The following POLR1A variants were observed in gnomAD, a reference collection of about 807,000 sequenced individuals.
POLR1A encodes DNA-directed RNA polymerase I subunit RPA1.
A neutral mutation model predicts 205.3 loss-of-function variants in POLR1A; 84 were observed. The ratio of observed to expected loss-of-function variants is 0.41; its 90% CI spans 0.34 to 0.49. The LOEUF is 0.49. Among genes scored for constraint, POLR1A ranks in the 20% least tolerant of loss-of-function variants. The pLI is 0.22. For synonymous variants in POLR1A, 799 were observed against 863.7 expected, an observed-to-expected ratio of 0.93 and a Z score of 1.31; for missense variants, 1,645 against 2,204.5, an observed-to-expected ratio of 0.75 and a Z score of 5.08.
At chr2:86,065,579 T>C (rs1213217368) in intron 13 of POLR1A, 114 bp from the exon 14 acceptor site, 7 of 817,274 alleles carry the variant, frequency 8.6e-6, no homozygotes, top group Non-Finnish European at 1.4e-5. Context: ...CTTATATCCC[T>C]GTCTTGTCTT....
rs1690202637 is a variant in POLR1A at position 86,023,750 on chromosome 2, TTTTG to T, written c.*3669_*3672del. ...ATTCAAAGGAAAGCAGGGTCTGAGT[TTTTG>T]TTTTTTTTTTTTTTTGAGACGGAAT... On this transcript the variant is annotated 3_prime_UTR_variant, in exon 34 of 34. Coordinates refer to ENST00000263857, the MANE Select transcript of POLR1A (RefSeq NM_015425.6). 1.0e-5 allele frequency: 1 copy of T among 99,946 alleles called. No homozygotes were observed. Among genetic ancestry groups the T allele is most frequent in the Non-Finnish European group, 2.0e-5 (1 of 51,154 alleles). The allele number at this position is 99,946 out of a possible 1,614,324, so 6.2% of individuals were successfully genotyped here.
At chr2:86,082,161 ATAGCCCCTGTG>A (rs1456774898) in intron 7 of POLR1A, among the ~76,000 whole-genome samples, 11 of 152,256 alleles carry the variant, frequency 7.2e-5, no homozygotes, top group African/African-American at 2.6e-4. Flanking sequence ...AAAACAAAAA[ATAGCCCCTGTG>A]TACATGACAG....
chr2:86,033,804 G>T lies in POLR1A; in HGVS notation c.4035-17C>A, dbSNP rs778626769. ...TTAAAGAATCTAAAACAAGAAGAAA[G>T]CCAAAAAGCCCTGTGCAGTACCAGC... On this transcript the variant is annotated splice_polypyrimidine_tract_variant and intron_variant, in intron 27 of 33. Coordinates refer to ENST00000263857, the MANE Select transcript of POLR1A (RefSeq NM_015425.6). The T allele has an allele frequency of 6.2e-7, 1 of 1,613,318 alleles. No individual in the cohort carries two copies. The highest frequency in any genetic ancestry group is 8.5e-7 in the Non-Finnish European group (1 of 1,179,856).
At chr2:86,096,331 G>C (rs1174459241) in intron 3 of POLR1A, among the ~76,000 whole-genome samples, 1 of 151,740 alleles carries the variant, frequency 6.6e-6, no homozygotes, top group African/African-American at 2.4e-5. Flanking sequence ...AATTAATATT[G>C]TTAAAATTAC....
rs188599865 is a variant in POLR1A at position 86,055,540 on chromosome 2, C to T, written c.2059-1251G>A. Among the ~76,000 whole-genome samples, 233 of 152,302 alleles carry T rather than the reference C, an allele frequency of 1.5e-3. 2 individuals are homozygous for T. Among genetic ancestry groups the T allele is most frequent in the African/African-American group, 5.4e-3 (225 of 41,568 alleles). ...GAGCAAAGGCAGGAGAGTGACACGT[C>T]CTGGGGTGCCTACTTCAAGCTGCAC... On this transcript the variant is annotated intron_variant, in intron 14 of 33. Transcript: ENST00000263857.
intron 13 of POLR1A, among the ~76,000 whole-genome samples, chr2:86,068,707 C>T (rs999393231): frequency 5.3e-5 from 8 of 152,230 alleles, no homozygotes; most frequent in African/African-American, 1.7e-4. Context: ...TACATTTAGT[C>T]CCTTTGCTAA....
chr2:86,101,516 A>G (rs548123116), intron 1 of POLR1A, among the ~76,000 whole-genome samples: 1 of 152,306 alleles, frequency 6.6e-6, no homozygotes, highest in African/African-American at 2.4e-5. Context: ...TTCATGAGAA[A>G]CTTGATCTAA....
chr2:86,101,299 A>G (rs1172902157), intron 1 of POLR1A, among the ~76,000 whole-genome samples: 2 of 152,216 alleles, frequency 1.3e-5, no homozygotes, highest in Non-Finnish European at 2.9e-5. Context: ...ACTCCCTTTA[A>G]TAAAGCACAA....
chr2:86,032,873 T>A (rs534164806), intron 28 of POLR1A, among the ~76,000 whole-genome samples: 1 of 152,296 alleles, frequency 6.6e-6, no homozygotes, highest in Non-Finnish European at 1.5e-5. Context: ...CTAAAGATAG[T>A]CCACACCCGC....
chr2:86,105,230 A>T (rs966244402), intron 1 of POLR1A, among the ~76,000 whole-genome samples: 1 of 152,246 alleles, frequency 6.6e-6, no homozygotes, highest in Non-Finnish European at 1.5e-5. Flanking sequence ...CTTGATCAAA[A>T]TGAAGACTAA....
rs1672261233 is a variant in POLR1A at position 86,026,727 on chromosome 2, C to CGACT, written c.*692_*695dup. The CGACT allele has an allele frequency of 6.5e-6, 1 of 152,690 alleles. No individual in the cohort carries two copies. Among genetic ancestry groups the CGACT allele is most frequent in the Admixed American group, 6.5e-5 (1 of 15,344 alleles). The allele number at this position is 152,690 out of a possible 1,614,324, so 9.5% of individuals were successfully genotyped here. Reference sequence around the variant, plus strand: ...GGAGTGAACTGCTGCGGCCCTGGAGCGACTGCTCCCAGCCTTGGGGCTGAT... The same window carrying CGACT: ...GGAGTGAACTGCTGCGGCCCTGGAGCGACTGACTGCTCCCAGCCTTGGGGCTGAT... On this transcript the variant is annotated 3_prime_UTR_variant, in exon 34 of 34. Transcript: ENST00000263857.
chr2:86,071,981 G>T (rs1017953020), intron 12 of POLR1A, among the ~76,000 whole-genome samples: 3 of 152,128 alleles, frequency 2.0e-5, no homozygotes, highest in Non-Finnish European at 4.4e-5. Flanking sequence ...CAAATTATTG[G>T]AAGTCTAGTT....
chr2:86,090,069 T>C, intron 3 of POLR1A, 140 bp from the exon 4 acceptor site: 1 of 598,074 alleles, frequency 1.7e-6, no homozygotes, highest in Non-Finnish European at 3.0e-6. Context: ...TGTTGCACTT[T>C]CAAAAGAGTG....
rs529925693 is a variant in POLR1A, at chr2:86,100,395, T to C, written c.78-223A>G. Reference sequence around the variant, plus strand: ...CTAAATGAATAAGTCATAAAATACATATGTGCTAAATGAATGAGTGGTAAC... The same window carrying C: ...CTAAATGAATAAGTCATAAAATACACATGTGCTAAATGAATGAGTGGTAAC... On this transcript the variant is annotated intron_variant, in intron 1 of 33. Transcript: ENST00000263857. 2.0e-5 allele frequency among the ~76,000 whole-genome samples: 3 copies of C among 152,290 alleles called. No individual in the cohort carries two copies. The East Asian group carries it at 5.8e-4, about 29-fold the overall frequency.
At chr2:86,060,666 C>A (rs1672976972) in intron 14 of POLR1A, among the ~76,000 whole-genome samples, 1 of 152,172 alleles carries the variant, frequency 6.6e-6, no homozygotes, top group African/African-American at 2.4e-5. Context: ...TACCTCACTT[C>A]ATGCACATCC....
chr2:86,061,464 GA>G (rs1313845197), intron 14 of POLR1A, among the ~76,000 whole-genome samples: 1 of 152,108 alleles, frequency 6.6e-6, no homozygotes, highest in African/African-American at 2.4e-5. Flanking sequence ...AAAACTTTAG[GA>G]AACTATCTAT....
chr2:86,036,541 G>A (rs983461418), intron 27 of POLR1A, among the ~76,000 whole-genome samples: 5 of 152,142 alleles, frequency 3.3e-5, no homozygotes, highest in Non-Finnish European at 7.4e-5. Context: ...TGGGAGAAAG[G>A]AAGGAGAAAA....
chr2:86,027,827 C>T, intron 33 of POLR1A, 58 bp downstream of exon 33: 1 of 1,571,544 alleles, frequency 6.4e-7, no homozygotes, highest in Non-Finnish European at 8.7e-7. Context: ...CATGGGTGAG[C>T]CCGTGTGCCC....
intron 14 of POLR1A, among the ~76,000 whole-genome samples, chr2:86,058,359 A>C (rs917997228): frequency 6.7e-6 from 1 of 149,626 alleles, no homozygotes; most frequent in African/African-American, 2.5e-5. Context: ...TTGGCCTCCC[A>C]AAGTGCTGGG....
Sources: gnomAD v4.1 joint callset for allele counts (sites outside exome capture counted in the v4.1 genomes callset) on GRCh38, gnomAD v4.1.1 for gene constraint, MANE v1.5 for transcripts, NCBI Gene and HGNC (gene_info 2026-07-23, HGNC 2026-07-21) for gene names.